GLRB: variants seen among roughly 807,000 people sequenced by gnomAD.
The protein encoded by GLRB is glycine receptor subunit beta.
A neutral mutation model predicts 54.2 loss-of-function variants in GLRB; 33 were observed. The ratio of observed to expected loss-of-function variants is 0.61; its 90% CI spans 0.46 to 0.81. The LOEUF (loss-of-function observed/expected upper bound fraction) is 0.81. GLRB is among the 40% of genes least tolerant of loss of function. The pLI, the probability that GLRB is intolerant of heterozygous loss-of-function variation, is 0.00. For missense variants in GLRB, 572 were observed against 584.6 expected, an observed-to-expected ratio of 0.98 and a Z score of 0.22; for synonymous variants, 209 against 208.2, an observed-to-expected ratio of 1.00 and a Z score of -0.03.
At chr4:157,090,416 T>C (rs1173802210) in intron 2 of GLRB, among the ~76,000 whole-genome samples, 1 of 152,240 alleles carries the variant, frequency 6.6e-6, no homozygotes, top group Non-Finnish European at 1.5e-5. Flanking sequence ...GATTCTCTTA[T>C]CTGCTTCTGC....
At chr4:157,131,486 A>G (rs76557483) in intron 4 of GLRB, among the ~76,000 whole-genome samples, 16,055 of 151,672 alleles carry the variant, frequency 0.11, 964 homozygotes, top group Middle Eastern at 0.19. Flanking sequence ...AGAACATTCT[A>G]TGGGTTTTGT....
intron 2 of GLRB, among the ~76,000 whole-genome samples, chr4:157,107,933 T>G (rs1735283228): frequency 6.6e-6 from 1 of 152,116 alleles, no homozygotes; most frequent in Admixed American, 6.6e-5. Flanking sequence ...AATGCCCATT[T>G]ACCATTTCAA....
At chr4:157,093,805 C>G (rs1734708711) in intron 2 of GLRB, among the ~76,000 whole-genome samples, 1 of 146,010 alleles carries the variant, frequency 6.8e-6, no homozygotes, top group African/African-American at 2.5e-5. Context: ...GCTCTGCTTT[C>G]AAGGGATAAA....
intron 9 of GLRB, among the ~76,000 whole-genome samples, chr4:157,167,280 A>T (rs1340090732): frequency 6.6e-6 from 1 of 152,190 alleles, no homozygotes; most frequent in Non-Finnish European, 1.5e-5. Context: ...CAAAGATTTG[A>T]TATGTACAGT....
chr4:157,141,903 G>A (rs1302302771), intron 7 of GLRB, among the ~76,000 whole-genome samples: 1 of 152,024 alleles, frequency 6.6e-6, no homozygotes, highest in Admixed American at 6.6e-5. Context: ...AACATAGTGG[G>A]ATGGAATGGA....
At chr4:157,094,444 G>C (rs1347453125) in intron 2 of GLRB, among the ~76,000 whole-genome samples, 23 of 152,136 alleles carry the variant, frequency 1.5e-4, no homozygotes, top group Non-Finnish European at 2.5e-4. Flanking sequence ...TTTCTGTTTT[G>C]CTCTTCATAA....
chr4:157,103,642 G>A (rs1031446230), intron 2 of GLRB, among the ~76,000 whole-genome samples: 1 of 151,906 alleles, frequency 6.6e-6, no homozygotes, highest in Admixed American at 6.6e-5. Flanking sequence ...GGGTAGTATG[G>A]GCATTTAACA....
intron 9 of GLRB, among the ~76,000 whole-genome samples, chr4:157,163,995 A>G (rs1737618756): frequency 6.6e-6 from 1 of 152,116 alleles, no homozygotes; most frequent in African/African-American, 2.4e-5. Flanking sequence ...CCTGCCTACC[A>G]CACTCTAATA....
intron 9 of GLRB, among the ~76,000 whole-genome samples, chr4:157,169,635 A>G (rs1412465610): frequency 6.6e-6 from 1 of 152,168 alleles, no homozygotes; most frequent in African/African-American, 2.4e-5. Flanking sequence ...TATAGATACA[A>G]GGGGCAACTG....
chr4:157,135,548 G>T (rs1036514386), intron 4 of GLRB, among the ~76,000 whole-genome samples: 1 of 152,014 alleles, frequency 6.6e-6, no homozygotes, highest in African/African-American at 2.4e-5. Context: ...GTGCTGTCTT[G>T]CCTGCCACCA....
At chr4:157,145,990 G>A (rs916587813) in intron 8 of GLRB, among the ~76,000 whole-genome samples, 13 of 152,062 alleles carry the variant, frequency 8.5e-5, no homozygotes, top group African/African-American at 3.1e-4. Context: ...GGTGGACTAT[G>A]TAGCATCTGC....
chr4:157,084,245 C>A (rs975234496), intron 2 of GLRB, among the ~76,000 whole-genome samples: 3 of 152,124 alleles, frequency 2.0e-5, no homozygotes, highest in Non-Finnish European at 4.4e-5. Flanking sequence ...TTGCCACTAC[C>A]GTTAGAGAAA....
chr4:157,083,465 G>A (rs1401520823), intron 2 of GLRB, among the ~76,000 whole-genome samples: 1 of 152,068 alleles, frequency 6.6e-6, no homozygotes, highest in Non-Finnish European at 1.5e-5. Flanking sequence ...GATAAGTGGA[G>A]GTACGCAGGC....
At chr4:157,139,606 G>A (rs1736537189) in intron 7 of GLRB, among the ~76,000 whole-genome samples, 1 of 151,948 alleles carries the variant, frequency 6.6e-6, no homozygotes, top group African/African-American at 2.4e-5. Flanking sequence ...TTTATTTTCT[G>A]CTAGTAGTTC....
chr4:157,143,710 C>T, intron 7 of GLRB, 97 bp from the exon 8 acceptor site: 3 of 1,213,368 alleles, frequency 2.5e-6, no homozygotes, highest in Non-Finnish European at 3.6e-6. Flanking sequence ...GAAATTGCCT[C>T]AGATGGAAGT....
chr4:157,161,015 C>T (rs1256224122), intron 9 of GLRB, among the ~76,000 whole-genome samples: 1 of 152,118 alleles, frequency 6.6e-6, no homozygotes, highest in Non-Finnish European at 1.5e-5. Context: ...TCTGGGTGCT[C>T]CTGTATCGGG....
At chr4:157,120,438 AGC>A (rs1250445341) in intron 2 of GLRB, 116 bp from the exon 3 acceptor site, 15 of 388,978 alleles carry the variant, frequency 3.9e-5, no homozygotes, top group African/African-American at 3.2e-4. Flanking sequence ...AAGAAGAAAA[AGC>A]CATACTATAG....
At chr4:157,170,040 GA>G (rs1330982041) in intron 9 of GLRB, among the ~76,000 whole-genome samples, 1 of 152,120 alleles carries the variant, frequency 6.6e-6, no homozygotes, top group Non-Finnish European at 1.5e-5. Context: ...AGTAATATCA[GA>G]ACATTTTTAT....
chr4:157,117,125 T>C (rs1296708894), intron 2 of GLRB, among the ~76,000 whole-genome samples: 4 of 151,754 alleles, frequency 2.6e-5, no homozygotes, highest in Admixed American at 1.3e-4. Context: ...ATATTTTCAG[T>C]ACTAATGATT....
Sources: gnomAD v4.1 joint callset for allele counts (sites outside exome capture counted in the v4.1 genomes callset) on GRCh38, gnomAD v4.1.1 for gene constraint, MANE v1.5 for transcripts, NCBI Gene and HGNC (gene_info 2026-07-23, HGNC 2026-07-21) for gene names.